Variants in KCNH1 observed in about 807,000 individuals in gnomAD.
KCNH1 encodes the protein potassium voltage-gated channel subfamily H member 1.
KCNH1 carries 27 observed loss-of-function variants against 69.2 expected under a neutral mutation model. That is an observed-to-expected ratio of 0.39 (90% CI 0.29 to 0.54). KCNH1 has a LOEUF of 0.54. Among genes scored for constraint, KCNH1 ranks in the 20% least tolerant of loss-of-function variants. KCNH1 has a pLI of 0.68. For synonymous variants in KCNH1, 456 were observed against 487.7 expected (o/e 0.93, Z 0.86); for missense variants, 798 against 1,261.6 (o/e 0.63, Z 5.57).
chr1:211,041,169 A>C (rs1689988999), intron 5 of KCNH1, among the ~76,000 whole-genome samples: 1 of 152,152 alleles, frequency 6.6e-6, no homozygotes, highest in South Asian at 2.1e-4. Context: ...CTTCCAACGC[A>C]TCCCAATCTG....
rs1034128488 is a variant in KCNH1, at chr1:210,683,797, C to T, written c.2454G>A (p.Gly818=). Reference sequence around the variant, plus strand: ...CCCCCTTGGGGCCCAGGCACTCGGACCCTGGCGCCTGTAGCTTTGCGTGGT... The same window carrying T: ...CCCCCTTGGGGCCCAGGCACTCGGATCCTGGCGCCTGTAGCTTTGCGTGGT... ...VPDHAKLQAP[G]SECLGPKGGG... The change falls in exon 11 of 11, where the codon GGG becomes GGA. Residue 818 remains glycine (G), a synonymous_variant. Transcript: ENST00000271751. The surrounding 1 kb of genome is among the most constrained non-coding windows in gnomAD (Gnocchi z 5.7). 2.5e-6 allele frequency: 4 copies of T among 1,613,818 alleles called. No individual in the cohort carries two copies. Among genetic ancestry groups the T allele is most frequent in the South Asian group, 1.1e-5 (1 of 91,074 alleles).
At chr1:210,860,825 C>T (rs1685961979) in intron 7 of KCNH1, 2 of 905,406 alleles carry the variant, frequency 2.2e-6, no homozygotes, top group Middle Eastern at 3.2e-4. Flanking sequence ...TTGAACTTTA[C>T]TTCACAAAAA....
At chr1:210,977,487 T>A (rs1688637033) in intron 6 of KCNH1, among the ~76,000 whole-genome samples, 1 of 152,006 alleles carries the variant, frequency 6.6e-6, no homozygotes, top group Admixed American at 6.6e-5. Flanking sequence ...AGTACCCCCA[T>A]CACTCCACCC....
intron 7 of KCNH1, among the ~76,000 whole-genome samples, chr1:210,814,974 G>A (rs1174196745): frequency 1.3e-5 from 2 of 152,162 alleles, no homozygotes; most frequent in Admixed American, 1.3e-4. Flanking sequence ...TGTTAATGCT[G>A]TTGACAAGCT....
At chr1:210,694,975 C>A (rs1681606690) in intron 10 of KCNH1, among the ~76,000 whole-genome samples, 1 of 152,190 alleles carries the variant, frequency 6.6e-6, no homozygotes, top group African/African-American at 2.4e-5. Flanking sequence ...ACAGAAGGAC[C>A]AACTGAGAAT....
intron 7 of KCNH1, among the ~76,000 whole-genome samples, chr1:210,813,963 C>T (rs372388100): frequency 6.6e-6 from 1 of 152,164 alleles, no homozygotes; most frequent in Non-Finnish European, 1.5e-5. Context: ...GTAAGATGTG[C>T]CTTTTGCCTT....
intron 6 of KCNH1, among the ~76,000 whole-genome samples, chr1:210,994,616 A>T (rs1467233601): frequency 6.6e-6 from 1 of 152,202 alleles, no homozygotes. Flanking sequence ...TCATAGTGTG[A>T]AGACAAAGGA....
chr1:211,121,774 T>A (rs1691689561), intron 1 of KCNH1, among the ~76,000 whole-genome samples: 1 of 152,172 alleles, frequency 6.6e-6, no homozygotes, highest in African/African-American at 2.4e-5. Flanking sequence ...ATTTTTGCAA[T>A]CTAGTCATTT....
chr1:210,920,874 G>A (rs1558526428), intron 6 of KCNH1, among the ~76,000 whole-genome samples: 1 of 152,106 alleles, frequency 6.6e-6, no homozygotes, highest in African/African-American at 2.4e-5. Context: ...AAAGCTAGAG[G>A]GAAGCTTCTG....
intron 6 of KCNH1, among the ~76,000 whole-genome samples, chr1:210,993,395 T>G (rs1688969160): frequency 6.6e-6 from 1 of 152,170 alleles, no homozygotes; most frequent in South Asian, 2.1e-4. Context: ...ATCTCCATCT[T>G]CACCTTCAAA....
intron 7 of KCNH1, among the ~76,000 whole-genome samples, chr1:210,871,694 C>T (rs1686251382): frequency 1.3e-5 from 2 of 151,720 alleles, no homozygotes. Context: ...AAATGTGGCA[C>T]ATATACACCA....
chr1:211,082,065 A>G (rs1186558720), intron 5 of KCNH1, among the ~76,000 whole-genome samples: 1 of 152,218 alleles, frequency 6.6e-6, no homozygotes, highest in African/African-American at 2.4e-5. Context: ...ATAAAGCCTA[A>G]TAAGATACCT....
chr1:210,861,327 C>A (rs1685973867), intron 7 of KCNH1: 2 of 796,942 alleles, frequency 2.5e-6, no homozygotes, highest in African/African-American at 1.7e-5. Flanking sequence ...ACTTGAGGAG[C>A]CATATATTGC....
chr1:210,871,955 G>T lies in KCNH1; in HGVS notation c.1462+47685C>A, dbSNP rs545292011. Among the ~76,000 whole-genome samples, 13 of 150,400 alleles carry T rather than the reference G, an allele frequency of 8.6e-5. No individual in the cohort carries two copies. The South Asian group carries it at 2.1e-3, about 25-fold the overall frequency. On this transcript the variant is annotated intron_variant, in intron 7 of 10. Coordinates refer to ENST00000271751, the MANE Select transcript of KCNH1 (RefSeq NM_172362.3). ...ATTGGGAGATATACCTAATGCTAGA[G>T]GACGAGTTAGTGGGTGCAGCGCACC...
chr1:210,836,098 C>T (rs1361828145), intron 7 of KCNH1, among the ~76,000 whole-genome samples: 4 of 116,654 alleles, frequency 3.4e-5, no homozygotes, highest in Admixed American at 1.1e-4. Flanking sequence ...AGCAGCAGAG[C>T]GAGTCTCCGT....
intron 9 of KCNH1, among the ~76,000 whole-genome samples, chr1:210,791,443 C>T (rs1328994345): frequency 6.6e-6 from 1 of 152,174 alleles, no homozygotes; most frequent in Non-Finnish European, 1.5e-5. Context: ...TTGAGAACCA[C>T]TGGCCTCATG....
chr1:210,806,820 A>ATAT (rs1558477727), intron 7 of KCNH1, among the ~76,000 whole-genome samples: 17 of 23,690 alleles, frequency 7.2e-4, no homozygotes, highest in South Asian at 5.1e-3. Context: ...AAAAAAAAAA[A>ATAT]AAAAAAAAAA....
At chr1:210,881,017 A>AT (rs760625361) in intron 7 of KCNH1, among the ~76,000 whole-genome samples, 131 of 112,466 alleles carry the variant, frequency 1.2e-3, no homozygotes, top group East Asian at 2.8e-3. Context: ...AAACAGTAAT[A>AT]TTTTTTTTTT....
chr1:210,838,843 A>G (rs1685344464), intron 7 of KCNH1, among the ~76,000 whole-genome samples: 1 of 152,244 alleles, frequency 6.6e-6, no homozygotes, highest in African/African-American at 2.4e-5. Flanking sequence ...AGAGAAATGC[A>G]AATCAAAACC....
Sources: allele counts gnomAD v4.1 joint callset (sites outside exome capture counted in the v4.1 genomes callset), GRCh38; gene constraint gnomAD v4.1.1; non-coding constraint Gnocchi (gnomAD v3.1); transcripts MANE v1.5; gene names NCBI Gene and HGNC (gene_info 2026-07-23, HGNC 2026-07-21).